The following TNRC6B variants were observed in gnomAD, a reference collection of about 807,000 sequenced individuals.
TNRC6B encodes trinucleotide repeat-containing gene 6B protein.
TNRC6B carries 52 observed loss-of-function variants against 203.6 expected under a neutral mutation model. The ratio of observed to expected loss-of-function variants is 0.26; its 90% confidence interval spans 0.20 to 0.32. The LOEUF (loss-of-function observed/expected upper bound fraction) is 0.32, where lower values mean the gene tolerates loss of function less well. TNRC6B is among the 10% of genes least tolerant of loss of function. The probability of loss-of-function intolerance (pLI) is 1.00; values close to 1 mark genes in which losing one functional copy is unlikely to be tolerated. For synonymous variants in TNRC6B, 838 were observed against 845.7 expected (o/e 0.99, Z 0.16); for missense variants, 1,923 against 2,286.2 (o/e 0.84, Z 3.24).
At chr22:40,291,239 A>T (rs1210466392) in intron 12 of TNRC6B, among the ~76,000 whole-genome samples, 4 of 152,128 alleles carry the variant, frequency 2.6e-5, no homozygotes, top group African/African-American at 9.7e-5. Context: ...ACAAAAAATT[A>T]GCCGGGCATG....
At chr22:40,119,243 G>T (rs1225061747) in intron 2 of TNRC6B, among the ~76,000 whole-genome samples, 1 of 152,198 alleles carries the variant, frequency 6.6e-6, no homozygotes, top group Non-Finnish European at 1.5e-5. Context: ...ACAGGTCACA[G>T]ACTGGTGACT....
chr22:40,318,285 C>T (rs1382135306), intron 21 of TNRC6B, among the ~76,000 whole-genome samples: 1 of 152,172 alleles, frequency 6.6e-6, no homozygotes, highest in Non-Finnish European at 1.5e-5. Flanking sequence ...CGGTGGCTCA[C>T]ACCTGTAATC....
rs1416860110 is a variant in TNRC6B at position 40,133,613 on chromosome 22, T to C, written c.45+7751T>C. Among the ~76,000 whole-genome samples the C allele has an allele frequency of 2.0e-5, 3 of 152,006 alleles. No homozygotes were observed. The East Asian group carries it at 5.8e-4, about 29-fold the overall frequency. ...GACGGGTTTCATGGTTTTTATTGGTTTGTTGTTGAATGGGTGAGGGGGAGA... is the reference window on the plus strand; with the variant it reads ...GACGGGTTTCATGGTTTTTATTGGTCTGTTGTTGAATGGGTGAGGGGGAGA... On this transcript the variant is annotated intron_variant, in intron 3 of 23. Transcript: ENST00000301923.
Position 40,300,914 on chromosome 22 carries a change from G to A in TNRC6B, c.3845G>A (p.Cys1282Tyr), listed in dbSNP as rs1435344888. Reference sequence around the variant, plus strand: ...TCTTTCCCCCTTGTTTTGTAGGCATGTCAGCTTCTCTTGCAGCAGCAGCAA... The same window carrying A: ...TCTTTCCCCCTTGTTTTGTAGGCATATCAGCTTCTCTTGCAGCAGCAGCAA... ...LPQIPQFQLA[C>Y]QLLLQQQQQQ... The change falls in exon 14 of 23, where the codon TGT (cysteine) becomes TAT (tyrosine). Residue 1282 changes from cysteine to tyrosine, a missense_variant. By Grantham distance (194) the Cys-to-Tyr change is radical (BLOSUM62 -2). Transcript: ENST00000454349. 4 of 1,613,410 alleles carry A rather than the reference G, an allele frequency of 2.5e-6. No individual in the cohort carries two copies. Among genetic ancestry groups the A allele is most frequent in the Non-Finnish European group, 3.4e-6 (4 of 1,179,726 alleles).
intron 12 of TNRC6B, among the ~76,000 whole-genome samples, chr22:40,293,413 G>A (rs1376761158): frequency 6.6e-6 from 1 of 151,808 alleles, no homozygotes; most frequent in African/African-American, 2.4e-5. Flanking sequence ...GTCTGGTCTC[G>A]AACTCCTGGC....
intron 1 of TNRC6B, among the ~76,000 whole-genome samples, chr22:40,192,138 C>T (rs1298023209): frequency 6.6e-6 from 1 of 152,168 alleles, no homozygotes; most frequent in Admixed American, 6.5e-5. Context: ...GAGATAAGAT[C>T]CAGCTGTGAT....
intron 1 of TNRC6B, among the ~76,000 whole-genome samples, chr22:40,184,449 A>C (rs2146384911): frequency 6.6e-6 from 1 of 152,170 alleles, no homozygotes; most frequent in Non-Finnish European, 1.5e-5. Flanking sequence ...ATAATCTGAG[A>C]AATGAGAGGT....
intron 19 of TNRC6B, among the ~76,000 whole-genome samples, chr22:40,314,489 T>G (rs745421860): frequency 5.9e-5 from 9 of 152,206 alleles, no homozygotes; most frequent in Non-Finnish European, 8.8e-5. Context: ...TCAACCAAAA[T>G]TGGGGGGGAA....
At chr22:40,133,043 C>T (rs927126923) in intron 3 of TNRC6B, among the ~76,000 whole-genome samples, 5 of 145,552 alleles carry the variant, frequency 3.4e-5, no homozygotes, top group African/African-American at 1.0e-4. Flanking sequence ...GCCTGATTCC[C>T]GTAGAGAGAA....
At chr22:40,077,376 G>A (rs550724846) in intron 1 of TNRC6B, among the ~76,000 whole-genome samples, 2 of 152,238 alleles carry the variant, frequency 1.3e-5, no homozygotes, top group South Asian at 4.1e-4. Context: ...TGTTTCATAT[G>A]TTTTGTCCAA....
intron 4 of TNRC6B, among the ~76,000 whole-genome samples, chr22:40,159,323 C>A (rs2068850899): frequency 6.7e-6 from 1 of 148,374 alleles, no homozygotes; most frequent in Admixed American, 6.8e-5. Flanking sequence ...AACATTCAAA[C>A]AGCAATTGTG....
At position 40,334,432 on chromosome 22, in the gene TNRC6B, T is replaced by G. The variant is rs1175896163; in HGVS notation, c.*11191T>G. On this transcript the variant is annotated 3_prime_UTR_variant, in exon 23 of 23. Transcript: ENST00000454349. ...AAAAATAAAAAGCAGATACAACAGC[T>G]CAACTGTTCCCACTCCTAACTCTCC... The G allele has an allele frequency of 1.3e-5, 2 of 152,524 alleles. No homozygotes were observed. Among genetic ancestry groups the G allele is most frequent in the East Asian group, 3.9e-4 (2 of 5,188 alleles). 9.4% of individuals were successfully genotyped at this position (152,524 alleles called of 1,614,324 possible).
intron 3 of TNRC6B, among the ~76,000 whole-genome samples, chr22:40,151,830 C>T (rs945645580): frequency 3.3e-5 from 5 of 150,186 alleles, no homozygotes; most frequent in Admixed American, 1.3e-4. Flanking sequence ...GAGATTCATT[C>T]AGACACAAAA....
At chr22:40,084,501 A>G (rs970694553) in intron 1 of TNRC6B, among the ~76,000 whole-genome samples, 3 of 152,214 alleles carry the variant, frequency 2.0e-5, no homozygotes, top group Non-Finnish European at 4.4e-5. Flanking sequence ...ACTGAGCCAG[A>G]TGTGCTCAAA....
At chr22:40,114,915 A>C (rs2068373294) in intron 1 of TNRC6B, among the ~76,000 whole-genome samples, 1 of 152,192 alleles carries the variant, frequency 6.6e-6, no homozygotes, top group Non-Finnish European at 1.5e-5. Flanking sequence ...CAACTAGATA[A>C]TTTCAAATGT....
At chr22:40,202,617 A>G (rs1031152556) in intron 1 of TNRC6B, among the ~76,000 whole-genome samples, 5 of 152,140 alleles carry the variant, frequency 3.3e-5, no homozygotes, top group Admixed American at 1.3e-4. Context: ...TTTGAAATAC[A>G]TAGCCCACAG....
chr22:40,117,184 A>G (rs1290151969), intron 2 of TNRC6B: 1 of 152,592 alleles, frequency 6.6e-6, no homozygotes, highest in Non-Finnish European at 1.5e-5. Context: ...CTTAAAAAGA[A>G]GAAAAGTACT....
At chr22:40,170,602 TTATA>T (rs1293008242) in intron 4 of TNRC6B, among the ~76,000 whole-genome samples, 1 of 15,778 alleles carries the variant, frequency 6.3e-5, no homozygotes, top group Non-Finnish European at 9.4e-5. Context: ...TATATATAGT[TTATA>T]TATATCCTAT....
intron 3 of TNRC6B, among the ~76,000 whole-genome samples, chr22:40,148,376 C>T (rs572889770): frequency 2.1e-4 from 32 of 151,652 alleles, no homozygotes; most frequent in East Asian, 1.2e-3. Context: ...CTCCGCCTCC[C>T]GGGTTCAAGC....
Sources: allele counts gnomAD v4.1 joint callset (sites outside exome capture counted in the v4.1 genomes callset), GRCh38; gene constraint gnomAD v4.1.1; transcripts MANE v1.5; gene names NCBI Gene and HGNC (gene_info 2026-07-23, HGNC 2026-07-21).